The following CNTLN variants were observed in gnomAD, a reference collection of about 807,000 sequenced individuals.
CNTLN encodes centlein, centrosomal protein.
Under a neutral mutation model 180.0 loss-of-function variants are expected in CNTLN, and 212 were observed. The observed-to-expected ratio is 1.18, with a 90% CI of 1.05 to 1.32. The LOEUF is 1.32. Among genes scored for constraint, CNTLN ranks in the 40% most tolerant of loss-of-function variants. The pLI, the probability that CNTLN is intolerant of heterozygous loss-of-function variation, is 0.00. For synonymous variants in CNTLN, 722 were observed against 563.1 expected, an observed-to-expected ratio of 1.28 and a Z score of -3.99; for missense variants, 2,095 against 1,610.9, an observed-to-expected ratio of 1.30 and a Z score of -5.14.
intron 7 of CNTLN, chr9:17,301,281 G>T (rs1818327425): frequency 1.0e-6 from 1 of 985,172 alleles, no homozygotes; most frequent in Admixed American, 6.1e-5. Context: ...GTGATCTGGG[G>T]TACATTTTGA....
intron 5 of CNTLN, among the ~76,000 whole-genome samples, chr9:17,253,288 T>A (rs1826267755): frequency 6.6e-6 from 1 of 151,836 alleles, no homozygotes; most frequent in African/African-American, 2.4e-5. Context: ...TAGAATTGTT[T>A]TTTCTATTTC....
chr9:17,199,104 C>T (rs1337181274), intron 2 of CNTLN, among the ~76,000 whole-genome samples: 1 of 151,860 alleles, frequency 6.6e-6, no homozygotes, highest in Non-Finnish European at 1.5e-5. Context: ...GGAATTGCCA[C>T]ACTGTCTTCC....
chr9:17,331,422 G>A (rs1180731327), intron 9 of CNTLN, among the ~76,000 whole-genome samples: 1 of 151,534 alleles, frequency 6.6e-6, no homozygotes, highest in Non-Finnish European at 1.5e-5. Flanking sequence ...ACAGAATGTT[G>A]ACTAATATAA....
chr9:17,367,756 C>G (rs1823951756), intron 13 of CNTLN, among the ~76,000 whole-genome samples: 1 of 152,090 alleles, frequency 6.6e-6, no homozygotes, highest in Admixed American at 6.5e-5. Flanking sequence ...TAGAAGCGAA[C>G]CTGGTGCCTT....
At chr9:17,301,168 G>A (rs1663046417) in intron 7 of CNTLN, 2 of 985,166 alleles carry the variant, frequency 2.0e-6, no homozygotes, top group African/African-American at 3.5e-5. Context: ...TTTTCCAAAT[G>A]GACTCTAGTT....
Position 17,270,166 on chromosome 9 carries a change from C to A in CNTLN, c.850-3567C>A, listed in dbSNP as rs575647225. Among the ~76,000 whole-genome samples the A allele has an allele frequency of 3.3e-5, 5 of 152,038 alleles. No individual in the cohort carries two copies. In the South Asian group the frequency reaches 1.0e-3, roughly 32 times the overall value. Reference sequence around the variant, plus strand: ...CTTCTCTTAGTATATTACCTAAAATCCCCAGGACAATTTTAATATAAAACC... The same window carrying A: ...CTTCTCTTAGTATATTACCTAAAATACCCAGGACAATTTTAATATAAAACC... On this transcript the variant is annotated intron_variant, in intron 5 of 25. Coordinates refer to ENST00000380647, the MANE Select transcript of CNTLN (RefSeq NM_017738.4).
At chr9:17,188,263 G>A (rs1821560746) in intron 2 of CNTLN, among the ~76,000 whole-genome samples, 2 of 146,210 alleles carry the variant, frequency 1.4e-5, no homozygotes, top group Non-Finnish European at 1.5e-5. Flanking sequence ...AAAAAATCAC[G>A]TTTAGATTTG....
chr9:17,238,754 A>G (rs1468101550), intron 5 of CNTLN, among the ~76,000 whole-genome samples: 1 of 152,172 alleles, frequency 6.6e-6, no homozygotes, highest in Non-Finnish European at 1.5e-5. Flanking sequence ...TCAGCCATGA[A>G]CTTTGCCATG....
At chr9:17,390,059 A>G in intron 14 of CNTLN, among the ~76,000 whole-genome samples, 1 of 152,116 alleles carries the variant, frequency 6.6e-6, no homozygotes. Context: ...AGAAGAAACC[A>G]ACCCTGCTGA....
intron 12 of CNTLN, among the ~76,000 whole-genome samples, chr9:17,346,941 A>G (rs1200168036): frequency 6.6e-6 from 1 of 152,082 alleles, no homozygotes; most frequent in Admixed American, 6.5e-5. Flanking sequence ...TCTGTTATTC[A>G]GATTTGGTAA....
intron 13 of CNTLN, among the ~76,000 whole-genome samples, chr9:17,367,709 C>G (rs1823947570): frequency 6.6e-6 from 1 of 152,142 alleles, no homozygotes; most frequent in South Asian, 2.1e-4. Flanking sequence ...ATTCTAGGCC[C>G]TAGCTCCTGG....
chr9:17,485,779 T>C (rs866382427), intron 24 of CNTLN, among the ~76,000 whole-genome samples: 2 of 152,122 alleles, frequency 1.3e-5, no homozygotes, highest in Non-Finnish European at 2.9e-5. Flanking sequence ...GCCACCATGT[T>C]TTTTGAGACC....
chr9:17,407,831 G>A (rs1448847742), intron 15 of CNTLN, among the ~76,000 whole-genome samples: 1 of 151,958 alleles, frequency 6.6e-6, no homozygotes, highest in African/African-American at 2.4e-5. Context: ...ACACATTCAA[G>A]ACTGACCAGG....
chr9:17,361,539 A>C (rs1306214784), intron 12 of CNTLN, among the ~76,000 whole-genome samples: 2 of 152,232 alleles, frequency 1.3e-5, no homozygotes, highest in African/African-American at 4.8e-5. Context: ...GCAAAAAAAG[A>C]AATAAAGATT....
At chr9:17,363,000 G>C (rs1230172618) in intron 12 of CNTLN, among the ~76,000 whole-genome samples, 2 of 152,070 alleles carry the variant, frequency 1.3e-5, no homozygotes, top group African/African-American at 2.4e-5. Context: ...TTGGTTTTCT[G>C]TTTTGTTAGT....
chr9:17,146,618 A>T (rs746760728), intron 2 of CNTLN, among the ~76,000 whole-genome samples: 34 of 152,144 alleles, frequency 2.2e-4, no homozygotes, highest in Non-Finnish European at 3.8e-4. Flanking sequence ...CCAGACACTG[A>T]ATCTGCTGGT....
chr9:17,285,356 A>G (rs1189127647), intron 6 of CNTLN, among the ~76,000 whole-genome samples: 2 of 148,990 alleles, frequency 1.3e-5, no homozygotes, highest in Non-Finnish European at 3.0e-5. Flanking sequence ...ATGGCTGCAT[A>G]GTATTCCATG....
intron 2 of CNTLN, among the ~76,000 whole-genome samples, chr9:17,174,797 TCTG>T (rs1563848853): frequency 6.6e-5 from 10 of 152,332 alleles, no homozygotes; most frequent in African/African-American, 2.4e-4. Context: ...ATTTGGTTTA[TCTG>T]CTTCTTCACC....
chr9:17,473,603 A>C (rs555941979), intron 23 of CNTLN, among the ~76,000 whole-genome samples: 199 of 149,050 alleles, frequency 1.3e-3, no homozygotes, highest in African/African-American at 4.6e-3. Context: ...AAAAAAAAAA[A>C]AAACAAAACA....
Sources: allele counts gnomAD v4.1 joint callset (sites outside exome capture counted in the v4.1 genomes callset), GRCh38; gene constraint gnomAD v4.1.1; transcripts MANE v1.5; gene names NCBI Gene and HGNC (gene_info 2026-07-23, HGNC 2026-07-21).